Variants in RABGAP1L observed in about 807,000 individuals in gnomAD.
The protein encoded by RABGAP1L is RAB GTPase activating protein 1 like, also known as rab GTPase-activating protein 1-like.
A neutral mutation model predicts 137.7 loss-of-function variants in RABGAP1L; 63 were observed. That is an observed-to-expected ratio of 0.46 (90% CI 0.37 to 0.56). The LOEUF (loss-of-function observed/expected upper bound fraction) is 0.56. RABGAP1L is among the 20% of genes least tolerant of loss of function. The probability of loss-of-function intolerance (pLI) is 0.00; values close to 1 mark genes in which losing one functional copy is unlikely to be tolerated. For synonymous variants in RABGAP1L, 431 were observed against 433.7 expected (o/e 0.99, Z 0.08); for missense variants, 1,095 against 1,244.0 (o/e 0.88, Z 1.80).
chr1:174,697,292 T>C (rs1004193907), intron 15 of RABGAP1L, among the ~76,000 whole-genome samples: 1 of 152,122 alleles, frequency 6.6e-6, no homozygotes, highest in Admixed American at 6.6e-5. Flanking sequence ...TGAATTAGTA[T>C]CTCTAGGACT....
chr1:174,430,925 GT>G (rs1290590366), intron 13 of RABGAP1L, among the ~76,000 whole-genome samples: 1 of 152,098 alleles, frequency 6.6e-6, no homozygotes, highest in Non-Finnish European at 1.5e-5. Context: ...TCAAGCCAAG[GT>G]TTGATCATTC....
At chr1:174,659,337 C>T (rs1033532794) in intron 14 of RABGAP1L, among the ~76,000 whole-genome samples, 4 of 152,008 alleles carry the variant, frequency 2.6e-5, no homozygotes, top group African/African-American at 7.2e-5. Context: ...TAGGATTTCA[C>T]CTATACCACT....
At chr1:174,327,992 T>TATATATATATATATACATAC in intron 11 of RABGAP1L, among the ~76,000 whole-genome samples, 3 of 57,594 alleles carry the variant, frequency 5.2e-5, no homozygotes, top group African/African-American at 2.4e-4. Flanking sequence ...CACACATATA[T>TATATATATATATATACATAC]ATATATATAT....
intron 13 of RABGAP1L, among the ~76,000 whole-genome samples, chr1:174,582,468 A>C (rs1348234017): frequency 6.6e-6 from 1 of 151,988 alleles, no homozygotes; most frequent in Non-Finnish European, 1.5e-5. Flanking sequence ...GGAACCTGGC[A>C]GTGGTGCGTG....
chr1:174,693,725 G>GAC (rs1371297937), intron 15 of RABGAP1L, among the ~76,000 whole-genome samples: 2 of 152,110 alleles, frequency 1.3e-5, no homozygotes, highest in African/African-American at 2.4e-5. Flanking sequence ...ATACAGTAGT[G>GAC]AAAAAAATAA....
At chr1:174,577,398 G>A (rs937800761) in intron 13 of RABGAP1L, among the ~76,000 whole-genome samples, 3 of 151,716 alleles carry the variant, frequency 2.0e-5, no homozygotes, top group African/African-American at 7.3e-5. Flanking sequence ...GTCCCTAAGT[G>A]TACAACTTCA....
chr1:174,313,975 G>A (rs1398828726), intron 11 of RABGAP1L, among the ~76,000 whole-genome samples: 1 of 151,730 alleles, frequency 6.6e-6, no homozygotes, highest in Non-Finnish European at 1.5e-5. Flanking sequence ...TCTTTTTTTT[G>A]ATATGCGTTT....
In RABGAP1L at chr1:174,814,224, A is replaced by C. The variant is rs1234206355; in HGVS notation, c.2340+2264A>C. 4.6e-5 allele frequency among the ~76,000 whole-genome samples: 7 copies of C among 152,244 alleles called. No homozygotes were observed. In the East Asian group the frequency reaches 1.3e-3, roughly 29 times the overall value. ...GGAAGTGCTGGGTACAACCAGAATA[A>C]ATTTTTTGGACATGAATAGGTAAAT... On this transcript the variant is annotated intron_variant, in intron 19 of 25. Transcript: ENST00000681986.
chr1:174,685,220 A>G (rs1274514477), intron 15 of RABGAP1L, among the ~76,000 whole-genome samples: 1 of 152,030 alleles, frequency 6.6e-6, no homozygotes, highest in Non-Finnish European at 1.5e-5. Flanking sequence ...TGAAGGAAAA[A>G]GTTTAGGAGT....
At chr1:174,725,136 A>G (rs12736670) in intron 17 of RABGAP1L, among the ~76,000 whole-genome samples, 252 of 152,312 alleles carry the variant, frequency 1.7e-3, no homozygotes, top group Non-Finnish European at 2.4e-3. Flanking sequence ...TGTTTCAGAG[A>G]TGACTATGGC....
chr1:174,683,839 T>C (rs1678265642), intron 15 of RABGAP1L, among the ~76,000 whole-genome samples: 1 of 152,238 alleles, frequency 6.6e-6, no homozygotes, highest in Non-Finnish European at 1.5e-5. Flanking sequence ...TATTTTTAAC[T>C]AGAATCCTCT....
At position 174,455,824 on chromosome 1, in the gene RABGAP1L, A is replaced by G. The variant is rs117040344; in HGVS notation, c.1710+61679A>G. Among the ~76,000 whole-genome samples the G allele has an allele frequency of 7.5e-4, 114 of 152,270 alleles. No homozygotes were observed. In the East Asian group the frequency reaches 0.021, roughly 29 times the overall value. On this transcript the variant is annotated intron_variant, in intron 13 of 25. Coordinates refer to ENST00000681986, the MANE Select transcript of RABGAP1L (RefSeq NM_001366446.1). ...GCTCTTGACATTATAAACGAGGTCT[A>G]TTCTAAAAGCTTCTGTGAGTAAACA... is the stretch of plus-strand genomic sequence containing the variant.
intron 13 of RABGAP1L, among the ~76,000 whole-genome samples, chr1:174,576,814 C>T (rs1668405879): frequency 6.6e-6 from 1 of 152,088 alleles, no homozygotes; most frequent in Non-Finnish European, 1.5e-5. Flanking sequence ...AATGTCTTCT[C>T]ATGGATCTGT....
chr1:174,401,387 A>T (rs551057314), intron 13 of RABGAP1L, among the ~76,000 whole-genome samples: 1 of 152,196 alleles, frequency 6.6e-6, no homozygotes, highest in Admixed American at 6.6e-5. Context: ...AAAGCACTCA[A>T]TGCATGCCTA....
chr1:174,701,791 G>T (rs1679676157), intron 16 of RABGAP1L, among the ~76,000 whole-genome samples: 1 of 151,314 alleles, frequency 6.6e-6, no homozygotes, highest in Admixed American at 6.6e-5. Flanking sequence ...GCTATGACTT[G>T]ACCCTGGAGT....
intron 3 of RABGAP1L, among the ~76,000 whole-genome samples, chr1:174,230,518 G>A (rs1361246570): frequency 3.9e-5 from 6 of 152,144 alleles, no homozygotes; most frequent in Admixed American, 3.3e-4. Context: ...TTGTGAGGAT[G>A]AGATTTGACA....
rs1402994089 is a variant in RABGAP1L, at chr1:174,985,647, A to AC, written c.2805+2748dup. Among the ~76,000 whole-genome samples, 4 of 151,984 alleles carry AC rather than the reference A, an allele frequency of 2.6e-5. No individual in the cohort carries two copies. In the East Asian group the frequency reaches 5.8e-4, roughly 22 times the overall value. On this transcript the variant is annotated intron_variant, in intron 24 of 25. Coordinates refer to ENST00000681986, the MANE Select transcript of RABGAP1L (RefSeq NM_001366446.1). ...GTAATAACCTTCTTTTGTCATGATC[A>AC]CCCCCCAGTTCATCCTTTACACTAT...
chr1:174,474,985 T>G (rs904537208), intron 13 of RABGAP1L, among the ~76,000 whole-genome samples: 2 of 152,116 alleles, frequency 1.3e-5, no homozygotes, highest in African/African-American at 4.8e-5. Context: ...ATTATGTGTT[T>G]TAATGTATGA....
chr1:174,403,241 GTGTGTGTA>G (rs1361677626), intron 13 of RABGAP1L, among the ~76,000 whole-genome samples: 15 of 126,128 alleles, frequency 1.2e-4, no homozygotes, highest in African/African-American at 4.7e-4. Flanking sequence ...GTGTGTGTGT[GTGTGTGTA>G]TATATATGTG....
Sources: gnomAD v4.1 joint callset for allele counts (sites outside exome capture counted in the v4.1 genomes callset) on GRCh38, gnomAD v4.1.1 for gene constraint, MANE v1.5 for transcripts, NCBI Gene and HGNC (gene_info 2026-07-23, HGNC 2026-07-21) for gene names.